The following PXDNL variants were observed in gnomAD, a reference collection of about 807,000 sequenced individuals.
PXDNL encodes probable oxidoreductase PXDNL.
In PXDNL, 145 loss-of-function variants were observed where a neutral mutation model predicts 150.8. That is an observed-to-expected ratio of 0.96 (90% CI 0.84 to 1.10). PXDNL has a LOEUF of 1.10. Among genes scored for constraint, PXDNL ranks in the 50% least tolerant of loss-of-function variants. The pLI, the probability that PXDNL is intolerant of heterozygous loss-of-function variation, is 0.00. For missense variants in PXDNL, 2,087 were observed against 1,873.9 expected, an observed-to-expected ratio of 1.11 and a Z score of -2.10; for synonymous variants, 757 against 725.7, an observed-to-expected ratio of 1.04 and a Z score of -0.69.
At chr8:51,417,859 C>T (rs1243169059) in intron 14 of PXDNL, among the ~76,000 whole-genome samples, 1 of 152,166 alleles carries the variant, frequency 6.6e-6, no homozygotes, top group South Asian at 2.1e-4. Flanking sequence ...CATCATTAAA[C>T]ATGGAAACCA....
intron 2 of PXDNL, among the ~76,000 whole-genome samples, chr8:51,624,413 T>C (rs1353256899): frequency 1.3e-5 from 2 of 152,150 alleles, no homozygotes; most frequent in Non-Finnish European, 2.9e-5. Context: ...TTGGTACTAT[T>C]ACCTTTGAAT....
intron 1 of PXDNL, among the ~76,000 whole-genome samples, chr8:51,721,145 G>A (rs1229246743): frequency 6.6e-6 from 1 of 152,130 alleles, no homozygotes; most frequent in African/African-American, 2.4e-5. Context: ...AACCTTCAAA[G>A]GGCACACCAG....
At chr8:51,628,358 CTTTCTTTCCTTTTT>C (rs2130749058) in intron 2 of PXDNL, among the ~76,000 whole-genome samples, 1 of 125,492 alleles carries the variant, frequency 8.0e-6, no homozygotes, top group South Asian at 2.6e-4. Flanking sequence ...TCTTTCTTTT[CTTTCTTTCCTTTTT>C]CATCTCTCTC....
At chr8:51,633,048 C>T (rs369007462) in intron 2 of PXDNL, among the ~76,000 whole-genome samples, 1 of 152,030 alleles carries the variant, frequency 6.6e-6, no homozygotes, top group Non-Finnish European at 1.5e-5. Context: ...TGCACCCTTC[C>T]CTCTCTCACC....
At chr8:51,610,580 C>G (rs955538748) in intron 2 of PXDNL, among the ~76,000 whole-genome samples, 10 of 152,090 alleles carry the variant, frequency 6.6e-5, no homozygotes, top group African/African-American at 2.4e-4. Flanking sequence ...ACCGCCAATT[C>G]AATTGCTGTA....
chr8:51,694,197 A>G (rs943083919), intron 1 of PXDNL, among the ~76,000 whole-genome samples: 1 of 152,126 alleles, frequency 6.6e-6, no homozygotes. Flanking sequence ...GTTTCTGCTA[A>G]ACAAAATACA....
intron 1 of PXDNL, among the ~76,000 whole-genome samples, chr8:51,784,562 C>T (rs148652160): frequency 6.6e-4 from 101 of 152,228 alleles, no homozygotes; most frequent in African/African-American, 2.3e-3. Context: ...TGATGTACTC[C>T]TCTCATTATA....
chr8:51,632,821 G>A (rs1214685509), intron 2 of PXDNL, among the ~76,000 whole-genome samples: 1 of 151,976 alleles, frequency 6.6e-6, no homozygotes, highest in Admixed American at 6.6e-5. Context: ...AAGTAAAACT[G>A]GAAAATTCAT....
At chr8:51,430,900 C>A (rs898453772) in intron 12 of PXDNL, among the ~76,000 whole-genome samples, 18 of 152,156 alleles carry the variant, frequency 1.2e-4, no homozygotes, top group Non-Finnish European at 2.6e-4. Context: ...CAATTCAGAT[C>A]CTATTTCACA....
chr8:51,512,523 A>C (rs751147935), intron 4 of PXDNL, among the ~76,000 whole-genome samples: 1 of 152,224 alleles, frequency 6.6e-6, no homozygotes, highest in Non-Finnish European at 1.5e-5. Flanking sequence ...ATGAATGAAT[A>C]TAACACACTC....
chr8:51,750,702 G>A (rs1005411589), intron 1 of PXDNL, among the ~76,000 whole-genome samples: 45 of 152,252 alleles, frequency 3.0e-4, no homozygotes, highest in African/African-American at 9.9e-4. Flanking sequence ...TACCCTACCA[G>A]TTATCAAACC....
At position 51,608,054 on chromosome 8, in the gene PXDNL, A is replaced by AAAGCAAGCAAGC. The variant is rs755666717; in HGVS notation, c.237-15368_237-15357dup. On this transcript the variant is annotated intron_variant, in intron 2 of 22. Coordinates refer to ENST00000356297, the MANE Select transcript of PXDNL (RefSeq NM_144651.5). ...GAAAGAAAGAAAGAAAGAAAGAAAG[A>AAAGCAAGCAAGC]AAGCAAGCAAGCAAGCAAGCAAGCA... Among the ~76,000 whole-genome samples the AAAGCAAGCAAGC allele has an allele frequency of 7.4e-4, 83 of 111,692 alleles. 4 individuals carry two copies. The highest frequency in any genetic ancestry group is 1.5e-3 in the African/African-American group (35 of 23,556). The allele number at this position is 111,692 out of a possible 152,430, so 73.3% of individuals were successfully genotyped here. A position where few individuals can be genotyped will look rare whatever the true frequency, so the allele number is the denominator to read the frequency against.
At chr8:51,498,146 C>G (rs984220396) in intron 5 of PXDNL, among the ~76,000 whole-genome samples, 1 of 151,912 alleles carries the variant, frequency 6.6e-6, no homozygotes, top group Admixed American at 6.6e-5. Context: ...ATGGATGAAA[C>G]TGGAAACCAT....
intron 2 of PXDNL, among the ~76,000 whole-genome samples, chr8:51,641,356 G>T (rs1161257732): frequency 6.7e-6 from 1 of 149,404 alleles, no homozygotes; most frequent in Non-Finnish European, 1.5e-5. Flanking sequence ...TGACAAATGG[G>T]ATCTAATTAA....
intron 21 of PXDNL, among the ~76,000 whole-genome samples, chr8:51,322,010 G>C (rs568194185): frequency 6.6e-6 from 1 of 152,248 alleles, no homozygotes; most frequent in South Asian, 2.1e-4. Context: ...AATAACATTG[G>C]TGTCCTTGTA....
In PXDNL at chr8:51,361,218, G is replaced by C. The variant is rs74395074; in HGVS notation, c.3901+10655C>G. Among the ~76,000 whole-genome samples, 1,284 of 152,270 alleles carry C rather than the reference G, an allele frequency of 8.4e-3. 5 individuals carry two copies. The highest frequency in any genetic ancestry group is 0.027 in the Middle Eastern group (8 of 294). ...AGAAAACACAACAGAAACTGGACTG[G>C]ATGCAGAATCACGTTGGATCTGATA... On this transcript the variant is annotated intron_variant, in intron 19 of 22. Transcript: ENST00000356297.
chr8:51,547,006 A>G (rs1812374307), intron 4 of PXDNL, among the ~76,000 whole-genome samples: 1 of 152,124 alleles, frequency 6.6e-6, no homozygotes, highest in Non-Finnish European at 1.5e-5. Flanking sequence ...CCCACCAAAG[A>G]AGAGTCTGAG....
rs570823422 is a variant in PXDNL, at chr8:51,699,704, A to G, written c.165-44944T>C. ...TCTAGCTTTTAATTTAAGGTGAGAG[A>G]CATGCAACTCTTCCTTTCACTTGAG... On this transcript the variant is annotated intron_variant, in intron 1 of 22. Coordinates refer to ENST00000356297, the MANE Select transcript of PXDNL (RefSeq NM_144651.5). Among the ~76,000 whole-genome samples the G allele has an allele frequency of 3.9e-5, 6 of 152,314 alleles. No homozygotes were observed. In the South Asian group the frequency reaches 1.2e-3, roughly 32 times the overall value.
chr8:51,528,618 G>C (rs1173911498), intron 4 of PXDNL, among the ~76,000 whole-genome samples: 1 of 152,152 alleles, frequency 6.6e-6, no homozygotes, highest in Non-Finnish European at 1.5e-5. Flanking sequence ...TGGATTATCT[G>C]GGTAGGTCCA....
Sources: gnomAD v4.1 joint callset for allele counts (sites outside exome capture counted in the v4.1 genomes callset) on GRCh38, gnomAD v4.1.1 for gene constraint, MANE v1.5 for transcripts, NCBI Gene and HGNC (gene_info 2026-07-23, HGNC 2026-07-21) for gene names.